CWC27: variants seen among roughly 807,000 people sequenced by gnomAD.
CWC27 encodes spliceosome-associated protein CWC27 homolog.
CWC27 carries 47 observed loss-of-function variants against 63.6 expected under a neutral mutation model. The observed-to-expected ratio is 0.74, with a 90% confidence interval of 0.58 to 0.94. The LOEUF (loss-of-function observed/expected upper bound fraction) is 0.94, where lower values mean the gene tolerates loss of function less well. CWC27 is among the 40% of genes least tolerant of loss of function. CWC27 has a pLI of 0.00. For synonymous variants in CWC27, 175 were observed against 179.8 expected (o/e 0.97, Z 0.22); for missense variants, 495 against 554.3 (o/e 0.89, Z 1.07).
intron 10 of CWC27, among the ~76,000 whole-genome samples, chr5:64,827,806 A>C (rs924993001): frequency 1.3e-5 from 2 of 152,178 alleles, no homozygotes; most frequent in Non-Finnish European, 2.9e-5. Flanking sequence ...CAGTCCAGAA[A>C]TATTAAATGG....
chr5:64,924,598 C>A (rs1223920409), intron 11 of CWC27, among the ~76,000 whole-genome samples: 1 of 151,926 alleles, frequency 6.6e-6, no homozygotes, highest in African/African-American at 2.4e-5. Context: ...AAATTATCAC[C>A]CCAAATCTAA....
At chr5:65,018,065 C>A in intron 13 of CWC27, 94 bp from the exon 14 acceptor site, 1 of 1,149,086 alleles carries the variant, frequency 8.7e-7, no homozygotes, top group Non-Finnish European at 1.2e-6. Context: ...GTTCTGTATG[C>A]TTATGTTTCA....
rs56699605 is a variant in CWC27 at position 64,796,002 on chromosome 5, C to CGTGTGTGTGT, written c.670-4215_670-4206dup. ...AGAAGCCATTTAAAAAGAAATTGTG[C>CGTGTGTGTGT]GTGTGTGTGTGTGTGTGTGTGTGTG... On this transcript the variant is annotated intron_variant, in intron 7 of 13. Transcript: ENST00000381070. 4.4e-5 allele frequency among the ~76,000 whole-genome samples: 6 copies of CGTGTGTGTGT among 135,884 alleles called. No homozygotes were observed. In the South Asian group the frequency reaches 7.4e-4, roughly 17 times the overall value. The allele number at this position is 135,884 out of a possible 152,430, so 89.1% of individuals were successfully genotyped here.
At chr5:64,964,322 C>T (rs1011318042) in intron 11 of CWC27, among the ~76,000 whole-genome samples, 4 of 152,092 alleles carry the variant, frequency 2.6e-5, no homozygotes, top group African/African-American at 9.6e-5. Context: ...TCCCATTTAC[C>T]CTGAGGCAGT....
chr5:64,808,823 G>T (rs1174754282), intron 10 of CWC27, among the ~76,000 whole-genome samples: 1 of 152,168 alleles, frequency 6.6e-6, no homozygotes, highest in Non-Finnish European at 1.5e-5. Context: ...GGCTCACGGA[G>T]GAGGCTTTGA....
intron 13 of CWC27, among the ~76,000 whole-genome samples, chr5:64,979,984 AAGAG>A (rs1554028718): frequency 2.0e-5 from 3 of 151,432 alleles, no homozygotes; most frequent in East Asian, 3.9e-4. Flanking sequence ...AAAAAAAAAA[AAGAG>A]AGAGGGAGAG....
intron 11 of CWC27, among the ~76,000 whole-genome samples, chr5:64,965,386 A>G (rs757680273): frequency 2.6e-5 from 4 of 152,044 alleles, no homozygotes; most frequent in Non-Finnish European, 4.4e-5. Flanking sequence ...TGCAGTAAGG[A>G]TAAGATTACA....
chr5:65,007,002 GAAA>G (rs749090654), intron 13 of CWC27, among the ~76,000 whole-genome samples: 22 of 148,044 alleles, frequency 1.5e-4, no homozygotes, highest in African/African-American at 4.8e-4. Context: ...AAGAAAGAAA[GAAA>G]GAAAGAAAGA....
At chr5:64,889,558 C>G (rs12109497) in intron 11 of CWC27, among the ~76,000 whole-genome samples, 6 of 152,102 alleles carry the variant, frequency 3.9e-5, no homozygotes, top group Non-Finnish European at 8.8e-5. Context: ...GGAAAGTTAA[C>G]AGAAAAATAC....
chr5:64,853,793 A>G (rs1245821505), intron 10 of CWC27, among the ~76,000 whole-genome samples: 2 of 152,216 alleles, frequency 1.3e-5, no homozygotes, highest in Admixed American at 6.5e-5. Flanking sequence ...ACCAGGGCCA[A>G]CCTTCAAAAC....
Position 64,944,214 on chromosome 5 carries a change from C to T in CWC27, c.1043-27489C>T, listed in dbSNP as rs529053465. Among the ~76,000 whole-genome samples the T allele has an allele frequency of 2.6e-5, 4 of 151,902 alleles. No homozygotes were observed. The South Asian group carries it at 8.3e-4, about 32-fold the overall frequency. ...AAAAAGTATATCTTGTCTCCACATCCCCCTCTAACTACTGTCCTTTAGCTC... is the reference window on the plus strand; with the variant it reads ...AAAAAGTATATCTTGTCTCCACATCTCCCTCTAACTACTGTCCTTTAGCTC... On this transcript the variant is annotated intron_variant, in intron 11 of 13. Transcript: ENST00000381070.
At chr5:64,868,126 G>A (rs1279597501) in intron 10 of CWC27, among the ~76,000 whole-genome samples, 1 of 151,944 alleles carries the variant, frequency 6.6e-6, no homozygotes, top group Non-Finnish European at 1.5e-5. Context: ...TCAAGAAATT[G>A]CCAAGATTCT....
chr5:64,839,081 G>T (rs1745737565), intron 10 of CWC27, among the ~76,000 whole-genome samples: 1 of 152,120 alleles, frequency 6.6e-6, no homozygotes. Flanking sequence ...AATCCTTTTT[G>T]TGAATTCCTA....
At chr5:64,947,746 T>A (rs1748617564) in intron 11 of CWC27, among the ~76,000 whole-genome samples, 2 of 152,052 alleles carry the variant, frequency 1.3e-5, no homozygotes, top group African/African-American at 4.8e-5. Context: ...GGGCCTCCCC[T>A]CTTTGTAGAA....
At chr5:64,859,462 T>C (rs546292419) in intron 10 of CWC27, among the ~76,000 whole-genome samples, 52 of 152,258 alleles carry the variant, frequency 3.4e-4, no homozygotes, top group African/African-American at 1.2e-3. Context: ...TAAAAATGTT[T>C]CAAAGCAGCA....
chr5:64,915,342 G>T (rs116387499), intron 11 of CWC27, among the ~76,000 whole-genome samples: 2 of 152,132 alleles, frequency 1.3e-5, no homozygotes, highest in African/African-American at 4.8e-5. Context: ...TGATTATCCC[G>T]TAGGGAAAGA....
At chr5:64,954,115 C>G (rs532078271) in intron 11 of CWC27, among the ~76,000 whole-genome samples, 2 of 152,274 alleles carry the variant, frequency 1.3e-5, no homozygotes, top group East Asian at 3.9e-4. Flanking sequence ...AGAAAAGTCT[C>G]TGCCTTCGAG....
At chr5:64,882,742 C>T (rs1368064579) in intron 10 of CWC27, among the ~76,000 whole-genome samples, 119 of 152,044 alleles carry the variant, frequency 7.8e-4, no homozygotes, top group Non-Finnish European at 2.5e-4. Context: ...TACAGGTGCC[C>T]GCCACCCCGC....
chr5:64,996,908 T>C (rs1005942961), intron 13 of CWC27, among the ~76,000 whole-genome samples: 1 of 152,122 alleles, frequency 6.6e-6, no homozygotes, highest in Admixed American at 6.5e-5. Context: ...TACTTATTTT[T>C]CCTATTTTCA....
Sources: allele counts gnomAD v4.1 joint callset (sites outside exome capture counted in the v4.1 genomes callset), GRCh38; gene constraint gnomAD v4.1.1; transcripts MANE v1.5; gene names NCBI Gene and HGNC (gene_info 2026-07-23, HGNC 2026-07-21).